Variants in EYA4 observed in about 807,000 individuals in gnomAD.
EYA4 encodes protein phosphatase EYA4.
A neutral mutation model predicts 87.9 loss-of-function variants in EYA4; 31 were observed. That is an observed-to-expected ratio of 0.35 (90% CI 0.27 to 0.48). The LOEUF (loss-of-function observed/expected upper bound fraction) is 0.48, where lower values mean the gene tolerates loss of function less well. Ranked by LOEUF, EYA4 falls within the 20% of genes least tolerant of loss-of-function variation. The pLI, the probability that EYA4 is intolerant of heterozygous loss-of-function variation, is 0.99. For synonymous variants in EYA4, 263 were observed against 270.6 expected (o/e 0.97, Z 0.28); for missense variants, 678 against 761.4 (o/e 0.89, Z 1.29).
At chr6:133,382,574 G>A in intron 3 of EYA4, 133 bp downstream of exon 3, 1 of 778,268 alleles carries the variant, frequency 1.3e-6, no homozygotes, top group South Asian at 1.4e-5. Flanking sequence ...GATGGAAACT[G>A]TATATCATGC....
intron 3 of EYA4, among the ~76,000 whole-genome samples, chr6:133,391,211 G>GTT (rs1554246192): frequency 1.7e-4 from 9 of 52,844 alleles, no homozygotes; most frequent in Admixed American, 1.9e-4. Context: ...TATTTTTTGG[G>GTT]TTTTGTTTTT....
intron 2 of EYA4, among the ~76,000 whole-genome samples, chr6:133,312,382 GCACACACA>G (rs78921867): frequency 0.1 from 15,429 of 147,828 alleles, 954 homozygotes; most frequent in East Asian, 0.16. Context: ...AGAGGCGCGT[GCACACACA>G]CACACACACA....
Position 133,529,212 on chromosome 6 carries a change from C to G in EYA4, c.*407C>G, listed in dbSNP as rs114941538. The stretch of plus-strand genomic sequence containing the variant: ...CCCTGAGGTTTGAATCTGACTTTAG[C>G]CTACCTAACCCAGAAAATCTGAATT... On this transcript the variant is annotated 3_prime_UTR_variant, in exon 20 of 20. Coordinates refer to ENST00000355286, the MANE Select transcript of EYA4 (RefSeq NM_004100.5). 861 of 1,137,846 alleles carry G rather than the reference C, an allele frequency of 7.6e-4. 7 individuals are homozygous for G. The African/African-American group carries it at 0.012, about 16-fold the overall frequency. The allele number at this position is 1,137,846 out of a possible 1,614,324, so 70.5% of individuals were successfully genotyped here.
At position 133,375,587 on chromosome 6, in the gene EYA4, C is replaced by T. The variant is rs370505204; in HGVS notation, c.34-6805C>T. Among the ~76,000 whole-genome samples, 8 of 151,658 alleles carry T rather than the reference C, an allele frequency of 5.3e-5. 1 individual carries two copies. Among genetic ancestry groups the T allele is most frequent in the East Asian group, 3.9e-4 (2 of 5,162 alleles). ...TGTATTAAATGCTGCTAACTAGAAA[C>T]CAGGATAATCTAGGGCAGCCCATTA... is the stretch of plus-strand genomic sequence containing the variant. On this transcript the variant is annotated intron_variant, in intron 2 of 19. Transcript: ENST00000355286.
chr6:133,278,723 C>A (rs938274527), intron 2 of EYA4, among the ~76,000 whole-genome samples: 1 of 152,102 alleles, frequency 6.6e-6, no homozygotes, highest in African/African-American at 2.4e-5. Context: ...TCTAGTATAT[C>A]TGGCTCCTAT....
Position 133,361,278 on chromosome 6 carries a change from G to A in EYA4, c.34-21114G>A, listed in dbSNP as rs183866957. On this transcript the variant is annotated intron_variant, in intron 2 of 19. Transcript: ENST00000355286. ...TGTCCAGAATGATAATAAAGATAATGTCTTTCTTTGGAACCAAGGGCAGGC... is the reference window on the plus strand; with the variant it reads ...TGTCCAGAATGATAATAAAGATAATATCTTTCTTTGGAACCAAGGGCAGGC... 2.1e-4 allele frequency among the ~76,000 whole-genome samples: 32 copies of A among 152,248 alleles called. No individual in the cohort carries two copies. In the South Asian group the frequency reaches 5.4e-3, roughly 26 times the overall value.
intron 3 of EYA4, among the ~76,000 whole-genome samples, chr6:133,434,725 T>C (rs565264773): frequency 2.0e-5 from 3 of 152,376 alleles, no homozygotes; most frequent in Admixed American, 1.3e-4. Flanking sequence ...CTTTTTTTTG[T>C]ACATTATATC....
At chr6:133,364,631 G>A (rs1562333776) in intron 2 of EYA4, among the ~76,000 whole-genome samples, 1 of 152,210 alleles carries the variant, frequency 6.6e-6, no homozygotes, top group African/African-American at 2.4e-5. Context: ...ACTGGCGGTG[G>A]TGCCTCACTG....
chr6:133,483,206 G>GT (rs976991213), intron 13 of EYA4, 91 bp downstream of exon 13: 7 of 921,516 alleles, frequency 7.6e-6, no homozygotes, highest in African/African-American at 3.3e-5. Context: ...TCTTTTAAGT[G>GT]TTTTTTTATT....
chr6:133,500,597 A>T (rs941026276), intron 13 of EYA4, among the ~76,000 whole-genome samples: 1 of 152,160 alleles, frequency 6.6e-6, no homozygotes, highest in African/African-American at 2.4e-5. Context: ...GGAAAAAAGC[A>T]AACAAATGAA....
intron 3 of EYA4, among the ~76,000 whole-genome samples, chr6:133,439,029 G>A (rs1309948966): frequency 9.1e-6 from 1 of 110,192 alleles, no homozygotes; most frequent in Non-Finnish European, 1.8e-5. Context: ...CAGCCTGGGT[G>A]ACAAAGCGAG....
chr6:133,306,295 C>G (rs775118400), intron 2 of EYA4, among the ~76,000 whole-genome samples: 1 of 152,074 alleles, frequency 6.6e-6, no homozygotes, highest in African/African-American at 2.4e-5. Context: ...GTAGATCACC[C>G]CAAGGGAAAA....
chr6:133,328,231 G>A (rs958680067), intron 2 of EYA4, among the ~76,000 whole-genome samples: 1 of 152,114 alleles, frequency 6.6e-6, no homozygotes, highest in African/African-American at 2.4e-5. Context: ...AGGATTAAAT[G>A]AAACAATACA....
Position 133,495,292 on chromosome 6 carries a change from G to A in EYA4, c.1192-10814G>A, listed in dbSNP as rs1463909903. 6.6e-5 allele frequency among the ~76,000 whole-genome samples: 10 copies of A among 150,576 alleles called. No homozygotes were observed. In the South Asian group the frequency reaches 2.1e-3, roughly 31 times the overall value. ...TCAAAAAAAAGAAAAAAAATCTCAT[G>A]TATCCCATGTGTATATACACCTACT... On this transcript the variant is annotated intron_variant, in intron 13 of 19. Transcript: ENST00000355286.
Position 133,528,819 on chromosome 6 carries a change from C to T in EYA4, c.*14C>T, listed in dbSNP as rs966989614. ...GAGTATTTGTAACTGTGTTCTTTAG[C>T]CGGAGATCCATTTTTTATATTTCAA... On this transcript the variant is annotated 3_prime_UTR_variant, in exon 20 of 20. Transcript: ENST00000355286. 1.2e-6 allele frequency: 2 copies of T among 1,613,062 alleles called. No homozygotes were observed. The highest frequency in any genetic ancestry group is 1.7e-5 in the Admixed American group (1 of 59,992).
chr6:133,356,709 ACTAT>A lies in EYA4; in HGVS notation c.34-25678_34-25675del, dbSNP rs148197287. ...GCATAAGATTGCTAAAGATTAGTTT[ACTAT>A]CTATTAGCATTTGAAGTGTCAAAGC... On this transcript the variant is annotated intron_variant, in intron 2 of 19. Transcript: ENST00000355286. Among the ~76,000 whole-genome samples the A allele has an allele frequency of 2.6e-3, 383 of 150,082 alleles. 1 individual carries two copies. The highest frequency in any genetic ancestry group is 6.8e-3 in the Middle Eastern group (2 of 294).
intron 2 of EYA4, among the ~76,000 whole-genome samples, chr6:133,365,142 G>C (rs78940292): frequency 0.035 from 5,357 of 152,214 alleles, 289 homozygotes; most frequent in African/African-American, 0.12. Context: ...AGCCTCTTGA[G>C]TTTTCTTATT....
intron 3 of EYA4, among the ~76,000 whole-genome samples, chr6:133,396,552 T>C (rs921444377): frequency 3.9e-5 from 6 of 152,232 alleles, no homozygotes; most frequent in Admixed American, 2.0e-4. Flanking sequence ...TTACTGTGGC[T>C]GAGACACTGA....
intron 10 of EYA4, among the ~76,000 whole-genome samples, chr6:133,467,109 T>G (rs1461841521): frequency 1.3e-5 from 2 of 152,056 alleles, no homozygotes; most frequent in African/African-American, 4.8e-5. Context: ...GAAAAGAAAG[T>G]GAGATCTTTG....
Sources: allele counts gnomAD v4.1 joint callset (sites outside exome capture counted in the v4.1 genomes callset), GRCh38; gene constraint gnomAD v4.1.1; transcripts MANE v1.5; gene names NCBI Gene and HGNC (gene_info 2026-07-23, HGNC 2026-07-21).